Variants in TLL1 observed in about 807,000 individuals in gnomAD.
The protein encoded by TLL1 is tolloid like 1.
TLL1 carries 49 observed loss-of-function variants against 128.2 expected under a neutral mutation model. The ratio of observed to expected loss-of-function variants is 0.38; its 90% CI spans 0.30 to 0.48. The LOEUF is 0.48. TLL1 is among the 20% of genes least tolerant of loss of function. TLL1 has a pLI of 0.96. For missense variants in TLL1, 1,123 were observed against 1,242.0 expected, an observed-to-expected ratio of 0.90 and a Z score of 1.44; for synonymous variants, 454 against 418.8, an observed-to-expected ratio of 1.08 and a Z score of -1.03.
chr4:166,073,713 A>G (rs76933125), intron 16 of TLL1, among the ~76,000 whole-genome samples: 1,944 of 152,300 alleles, frequency 0.013, 49 homozygotes, highest in African/African-American at 0.044. Context: ...ATGTAACAAA[A>G]TAGATGTACC....
At chr4:166,058,643 A>C (rs1192757239) in intron 14 of TLL1, among the ~76,000 whole-genome samples, 1 of 152,184 alleles carries the variant, frequency 6.6e-6, no homozygotes, top group Admixed American at 6.5e-5. Flanking sequence ...ATGAATTGGA[A>C]GATCTTTCTT....
chr4:165,955,080 C>A (rs991762993), intron 1 of TLL1, among the ~76,000 whole-genome samples: 5 of 152,002 alleles, frequency 3.3e-5, no homozygotes, highest in Non-Finnish European at 5.9e-5. Flanking sequence ...TAAGAAAAAA[C>A]CAGTTGAACT....
intron 19 of TLL1, among the ~76,000 whole-genome samples, 153 bp from the exon 20 acceptor site, chr4:166,099,124 A>T (rs763103108): frequency 6.6e-6 from 1 of 152,106 alleles, no homozygotes; most frequent in Non-Finnish European, 1.5e-5. Context: ...CCATGACACT[A>T]TCTGACTCTC....
At chr4:166,032,659 A>G (rs146748235) in intron 9 of TLL1, among the ~76,000 whole-genome samples, 1 of 152,170 alleles carries the variant, frequency 6.6e-6, no homozygotes, top group Admixed American at 6.5e-5. Flanking sequence ...GTTCTACTTC[A>G]TATTGCATAG....
intron 19 of TLL1, among the ~76,000 whole-genome samples, chr4:166,097,861 CCTG>C: frequency 6.6e-6 from 1 of 152,184 alleles, no homozygotes; most frequent in East Asian, 1.9e-4. Flanking sequence ...CAGTGAAACT[CCTG>C]CTTCCCGGAA....
At chr4:165,883,323 G>T (rs1446555538) in intron 1 of TLL1, among the ~76,000 whole-genome samples, 1 of 151,872 alleles carries the variant, frequency 6.6e-6, no homozygotes, top group Non-Finnish European at 1.5e-5. Context: ...TTTTTATGTG[G>T]GTACTTTTTT....
chr4:166,043,393 G>A lies in TLL1; in HGVS notation c.1498G>A (p.Val500Ile), dbSNP rs1312820045. Residue 500 changes from valine (V) to isoleucine (I), a missense_variant, in exon 12 of 21, where the codon GTC becomes ATC. Coordinates refer to ENST00000061240, the MANE Select transcript of TLL1 (RefSeq NM_012464.5). ...WKITVSESYH[V>I]GLTFQSFEIE... ...AATAACAGTGTCTGAGAGCTACCAC[G>A]TCGGGCTGACCTTTCAGTCCTTTGA... The A allele has an allele frequency of 2.5e-6, 4 of 1,613,976 alleles. No individual in the cohort carries two copies.
intron 1 of TLL1, among the ~76,000 whole-genome samples, chr4:165,931,724 A>AAAAAAAAAAAAAAAG (rs1400869002): frequency 8.7e-5 from 13 of 149,458 alleles, no homozygotes; most frequent in South Asian, 4.3e-4. Context: ...GTCTCAAAAG[A>AAAAAAAAAAAAAAAG]AAAAAAAAAG....
At chr4:166,000,662 C>T (rs564503112) in intron 5 of TLL1, among the ~76,000 whole-genome samples, 6 of 152,196 alleles carry the variant, frequency 3.9e-5, no homozygotes, top group Admixed American at 1.3e-4. Context: ...AGTTTCCTTA[C>T]TATTGACTTA....
chr4:166,005,896 A>G (rs929262283), intron 6 of TLL1, among the ~76,000 whole-genome samples: 1 of 151,860 alleles, frequency 6.6e-6, no homozygotes, highest in Admixed American at 6.6e-5. Context: ...CAATCCTAAA[A>G]CAGTGCTAAG....
intron 12 of TLL1, among the ~76,000 whole-genome samples, chr4:166,047,187 G>A (rs1360851944): frequency 6.6e-6 from 1 of 150,924 alleles, no homozygotes; most frequent in Admixed American, 6.6e-5. Flanking sequence ...TTTTGAGATG[G>A]AGTCTTGCTC....
intron 8 of TLL1, among the ~76,000 whole-genome samples, chr4:166,018,506 A>G (rs1579630241): frequency 6.6e-6 from 1 of 152,168 alleles, no homozygotes; most frequent in African/African-American, 2.4e-5. Flanking sequence ...CTATCAACAA[A>G]GCAAACAGAC....
intron 8 of TLL1, among the ~76,000 whole-genome samples, chr4:166,020,747 T>G (rs1738187125): frequency 6.6e-6 from 1 of 152,202 alleles, no homozygotes; most frequent in South Asian, 2.1e-4. Context: ...GTCCCTAATA[T>G]TCTCTCAGTA....
intron 1 of TLL1, among the ~76,000 whole-genome samples, chr4:165,883,341 G>C (rs1731041159): frequency 6.6e-6 from 1 of 151,978 alleles, no homozygotes; most frequent in African/African-American, 2.4e-5. Flanking sequence ...TTTGCAAATT[G>C]GAGTTGGTTT....
chr4:165,966,622 A>T (rs559125030), intron 1 of TLL1, among the ~76,000 whole-genome samples: 89 of 152,288 alleles, frequency 5.8e-4, no homozygotes, highest in African/African-American at 2.0e-3. Flanking sequence ...GAGAAATTTT[A>T]AAGCTGGGTT....
intron 1 of TLL1, among the ~76,000 whole-genome samples, chr4:165,965,407 C>A (rs904320908): frequency 1.3e-5 from 2 of 152,172 alleles, no homozygotes. Context: ...ACTCCAATAT[C>A]CAACACAAAT....
chr4:166,052,965 G>GTGTGTGTATATA lies in TLL1; in HGVS notation c.1525-2110_1525-2109insGTGTGTATATAT. ...TAAAGACTGAGATAAGAGGTTATGT[G>GTGTGTGTATATA]TATATATATATATATATTTGGCCAA... is the stretch of plus-strand genomic sequence containing the variant. On this transcript the variant is annotated intron_variant, in intron 12 of 20. Coordinates refer to ENST00000061240, the MANE Select transcript of TLL1 (RefSeq NM_012464.5). 3.5e-4 allele frequency among the ~76,000 whole-genome samples: 35 copies of GTGTGTGTATATA among 99,700 alleles called. 3 individuals carry two copies. The highest frequency in any genetic ancestry group is 1.3e-3 in the African/African-American group (34 of 26,278). The allele number at this position is 99,700 out of a possible 152,430, so 65.4% of individuals were successfully genotyped here.
intron 1 of TLL1, among the ~76,000 whole-genome samples, chr4:165,875,848 A>G (rs1026015183): frequency 1.3e-5 from 2 of 152,184 alleles, no homozygotes; most frequent in African/African-American, 4.8e-5. Context: ...CACCATGTGT[A>G]TTGAAACACA....
chr4:166,019,289 A>G (rs939961721), intron 8 of TLL1, among the ~76,000 whole-genome samples: 1 of 152,182 alleles, frequency 6.6e-6, no homozygotes, highest in Non-Finnish European at 1.5e-5. Flanking sequence ...AACAATAGAC[A>G]CTGTGGACTA....
Sources: gnomAD v4.1 joint callset for allele counts (sites outside exome capture counted in the v4.1 genomes callset) on GRCh38, gnomAD v4.1.1 for gene constraint, MANE v1.5 for transcripts, NCBI Gene and HGNC (gene_info 2026-07-23, HGNC 2026-07-21) for gene names.